Variants in CSMD3 observed in about 807,000 individuals in gnomAD.
CSMD3 encodes the protein CUB and sushi domain-containing protein 3.
A neutral mutation model predicts 435.2 loss-of-function variants in CSMD3; 177 were observed. That is an observed-to-expected ratio of 0.41 (90% CI 0.36 to 0.46). The LOEUF (loss-of-function observed/expected upper bound fraction) is 0.46. Ranked by LOEUF, CSMD3 falls within the 20% of genes least tolerant of loss-of-function variation. The pLI is 0.34. For missense variants in CSMD3, 4,265 were observed against 4,504.6 expected (o/e 0.95, Z 1.52); for synonymous variants, 1,656 against 1,520.5 (o/e 1.09, Z -2.07).
intron 5 of CSMD3, among the ~76,000 whole-genome samples, chr8:113,090,060 T>G (rs1390526271): frequency 6.6e-6 from 1 of 152,142 alleles, no homozygotes; most frequent in East Asian, 1.9e-4. Context: ...CCAGTGAGTT[T>G]AAAAGGAAGT....
intron 59 of CSMD3, among the ~76,000 whole-genome samples, chr8:112,279,317 C>T (rs1818403739): frequency 6.6e-6 from 1 of 152,236 alleles, no homozygotes; most frequent in African/African-American, 2.4e-5. Flanking sequence ...AAGGTATATC[C>T]TGTACTTTAG....
At chr8:112,494,524 T>C (rs956992010) in intron 30 of CSMD3, among the ~76,000 whole-genome samples, 27 of 137,938 alleles carry the variant, frequency 2.0e-4, no homozygotes, top group African/African-American at 6.7e-4. Context: ...TCTTTCTTTC[T>C]TTCTTTCTTT....
intron 11 of CSMD3, among the ~76,000 whole-genome samples, chr8:112,840,594 A>G (rs1204802189): frequency 1.3e-5 from 2 of 151,766 alleles, no homozygotes. Context: ...AAATATAATA[A>G]TTATTCTGAT....
intron 10 of CSMD3, among the ~76,000 whole-genome samples, chr8:112,871,175 G>A (rs141192475): frequency 6.6e-6 from 1 of 152,280 alleles, no homozygotes; most frequent in African/African-American, 2.4e-5. Flanking sequence ...GCATCCCCAA[G>A]TTGGCAGATG....
At chr8:113,397,453 T>A (rs372814880) in intron 1 of CSMD3, among the ~76,000 whole-genome samples, 1 of 152,164 alleles carries the variant, frequency 6.6e-6, no homozygotes, top group Admixed American at 6.6e-5. Flanking sequence ...TTTCCTTCAA[T>A]ATGGCTTTTA....
intron 13 of CSMD3, among the ~76,000 whole-genome samples, chr8:112,755,275 G>A (rs1404761798): frequency 2.0e-5 from 3 of 151,642 alleles, no homozygotes; most frequent in Non-Finnish European, 4.4e-5. Context: ...AGCTTGCAGT[G>A]AGCCGAGATT....
intron 59 of CSMD3, among the ~76,000 whole-genome samples, chr8:112,275,579 A>G (rs1017519251): frequency 5.9e-5 from 9 of 152,112 alleles, no homozygotes; most frequent in African/African-American, 2.2e-4. Context: ...AAGAGGTTTA[A>G]TGGACTCACA....
In CSMD3 at chr8:112,602,438, T is replaced by C. The variant is rs954591360; in HGVS notation, c.3716-15203A>G. Among the ~76,000 whole-genome samples the C allele has an allele frequency of 2.0e-5, 3 of 151,572 alleles. No homozygotes were observed. In the East Asian group the frequency reaches 5.8e-4, roughly 29 times the overall value. ...AAAATTAGCTGGGTGTGGTGGCGGG[T>C]GCCTGTAATCCCAGCTATTCAGGAG... On this transcript the variant is annotated intron_variant, in intron 22 of 70. Coordinates refer to ENST00000297405, the MANE Select transcript of CSMD3 (RefSeq NM_198123.2).
chr8:112,789,469 A>T (rs1193603059), intron 13 of CSMD3, among the ~76,000 whole-genome samples: 2 of 152,062 alleles, frequency 1.3e-5, no homozygotes, highest in African/African-American at 4.8e-5. Context: ...AAAAACAATT[A>T]TTTAAATAAA....
chr8:112,625,554 T>G (rs1264375452), intron 22 of CSMD3, among the ~76,000 whole-genome samples: 2 of 152,064 alleles, frequency 1.3e-5, no homozygotes, highest in Non-Finnish European at 2.9e-5. Context: ...AAAGATATAG[T>G]AAAATGCATG....
At chr8:112,515,553 A>C (rs140851875) in intron 28 of CSMD3, among the ~76,000 whole-genome samples, 1 of 152,092 alleles carries the variant, frequency 6.6e-6, no homozygotes, top group Non-Finnish European at 1.5e-5. Flanking sequence ...AATGTAAATT[A>C]ATTGATGTTT....
At chr8:113,269,200 C>T (rs1205655912) in intron 3 of CSMD3, among the ~76,000 whole-genome samples, 1 of 152,064 alleles carries the variant, frequency 6.6e-6, no homozygotes, top group Admixed American at 6.6e-5. Context: ...GGGTAAACTC[C>T]TATTCACATT....
At chr8:112,684,994 T>G (rs2131799808) in intron 15 of CSMD3, among the ~76,000 whole-genome samples, 1 of 152,288 alleles carries the variant, frequency 6.6e-6, no homozygotes, top group East Asian at 1.9e-4. Flanking sequence ...ATGCCATGAT[T>G]AGTTGTTTAA....
intron 13 of CSMD3, among the ~76,000 whole-genome samples, chr8:112,762,760 G>A (rs1289808040): frequency 2.0e-5 from 3 of 151,804 alleles, no homozygotes; most frequent in East Asian, 3.9e-4. Flanking sequence ...GCATATAATA[G>A]GGATAGAGAG....
chr8:113,291,127 T>C (rs987551475), intron 2 of CSMD3, among the ~76,000 whole-genome samples: 9 of 151,608 alleles, frequency 5.9e-5, no homozygotes, highest in African/African-American at 7.2e-5. Context: ...GAAATGCCAA[T>C]TTAATTATAT....
intron 28 of CSMD3, among the ~76,000 whole-genome samples, chr8:112,507,874 T>C (rs1195972886): frequency 2.6e-5 from 4 of 152,220 alleles, no homozygotes; most frequent in Middle Eastern, 3.4e-3. Flanking sequence ...TCTCAGAAAA[T>C]TGTCTCAGCT....
At chr8:113,263,124 G>C (rs1035945698) in intron 3 of CSMD3, among the ~76,000 whole-genome samples, 1 of 151,888 alleles carries the variant, frequency 6.6e-6, no homozygotes, top group Non-Finnish European at 1.5e-5. Context: ...TGTCAGTTAC[G>C]ACCAAAAGAG....
In CSMD3 at chr8:112,704,581, C is replaced by CA. The variant is rs1336505017; in HGVS notation, c.1973-14532dup. Among the ~76,000 whole-genome samples the CA allele has an allele frequency of 4.6e-5, 7 of 152,014 alleles. No individual in the cohort carries two copies. The East Asian group carries it at 1.4e-3, about 30-fold the overall frequency. On this transcript the variant is annotated intron_variant, in intron 13 of 70. Transcript: ENST00000297405. ...CATTTTGCTGCAACCCGATGATTATCAAAATTTTTTCTGGTTGTGAGTTTC... is the reference window on the plus strand; with the variant it reads ...CATTTTGCTGCAACCCGATGATTATCAAAAATTTTTTCTGGTTGTGAGTTTC...
intron 13 of CSMD3, among the ~76,000 whole-genome samples, chr8:112,722,310 T>C (rs568465706): frequency 1.8e-4 from 28 of 152,062 alleles, no homozygotes; most frequent in Non-Finnish European, 3.5e-4. Flanking sequence ...AAAAAGGCTA[T>C]ACCAGACCTT....
Sources: gnomAD v4.1 joint callset for allele counts (sites outside exome capture counted in the v4.1 genomes callset) on GRCh38, gnomAD v4.1.1 for gene constraint, MANE v1.5 for transcripts, NCBI Gene and HGNC (gene_info 2026-07-23, HGNC 2026-07-21) for gene names.